Variants in GRB14 observed in about 807,000 individuals in gnomAD.
GRB14 encodes growth factor receptor bound protein 14, also known as growth factor receptor-bound protein 14.
In GRB14, 38 loss-of-function variants were observed where a neutral mutation model predicts 69.1. The observed-to-expected ratio is 0.55, with a 90% CI of 0.42 to 0.72. GRB14 has a LOEUF of 0.72. GRB14 is among the 30% of genes least tolerant of loss of function. The probability of loss-of-function intolerance (pLI) is 0.00; values close to 1 mark genes in which losing one functional copy is unlikely to be tolerated. For synonymous variants in GRB14, 247 were observed against 241.3 expected, an observed-to-expected ratio of 1.02 and a Z score of -0.22; for missense variants, 666 against 666.1, an observed-to-expected ratio of 1.00 and a Z score of 0.00.
At chr2:164,509,277 G>A (rs1687275796) in intron 6 of GRB14, among the ~76,000 whole-genome samples, 3 of 152,134 alleles carry the variant, frequency 2.0e-5, no homozygotes, top group Non-Finnish European at 1.5e-5. Flanking sequence ...GAAGATAAAT[G>A]AGAACAAGAC....
intron 2 of GRB14, among the ~76,000 whole-genome samples, chr2:164,585,028 C>T (rs1362219381): frequency 6.9e-6 from 1 of 145,598 alleles, no homozygotes; most frequent in African/African-American, 2.6e-5. Context: ...CTGCAACTTC[C>T]TCCTTTTGGG....
intron 2 of GRB14, among the ~76,000 whole-genome samples, chr2:164,583,964 T>C (rs1169311479): frequency 1.3e-5 from 2 of 151,796 alleles, no homozygotes; most frequent in African/African-American, 4.8e-5. Context: ...AAATCCTATA[T>C]TATTATGCAG....
chr2:164,574,661 T>C (rs28713428), intron 2 of GRB14, among the ~76,000 whole-genome samples: 19,506 of 152,124 alleles, frequency 0.13, 1,293 homozygotes, highest in Middle Eastern at 0.19. Flanking sequence ...TATTGATCGT[T>C]AGGCATGGTG....
intron 2 of GRB14, among the ~76,000 whole-genome samples, chr2:164,580,190 G>C (rs963982623): frequency 6.6e-6 from 1 of 151,464 alleles, no homozygotes; most frequent in Non-Finnish European, 1.5e-5. Context: ...TGCCTCCCGG[G>C]TTCAAGTGAT....
intron 9 of GRB14, among the ~76,000 whole-genome samples, chr2:164,499,151 T>C (rs977280595): frequency 6.6e-6 from 1 of 152,138 alleles, no homozygotes; most frequent in South Asian, 2.1e-4. Context: ...TCCGTTTACA[T>C]GCCAAGGTAG....
chr2:164,577,617 T>G (rs772454128), intron 2 of GRB14, among the ~76,000 whole-genome samples: 2 of 152,214 alleles, frequency 1.3e-5, no homozygotes, highest in Non-Finnish European at 2.9e-5. Flanking sequence ...AAACCTCTTT[T>G]CTTTATAAAT....
At chr2:164,519,593 C>T (rs1272745115) in intron 6 of GRB14, among the ~76,000 whole-genome samples, 1 of 151,938 alleles carries the variant, frequency 6.6e-6, no homozygotes. Flanking sequence ...ATGATATGAT[C>T]GTATACCTAG....
intron 2 of GRB14, among the ~76,000 whole-genome samples, chr2:164,590,033 C>G (rs1013766529): frequency 6.6e-5 from 10 of 152,080 alleles, no homozygotes; most frequent in African/African-American, 2.4e-4. Context: ...AGGGCTCCAC[C>G]TTCCTTACCT....
intron 2 of GRB14, among the ~76,000 whole-genome samples, chr2:164,551,331 A>G (rs1688532898): frequency 6.6e-6 from 1 of 152,086 alleles, no homozygotes; most frequent in Non-Finnish European, 1.5e-5. Context: ...GCCTGGGAAA[A>G]TGTAGGCTGG....
chr2:164,559,397 G>A (rs1184332663), intron 2 of GRB14, among the ~76,000 whole-genome samples: 1 of 152,050 alleles, frequency 6.6e-6, no homozygotes, highest in Non-Finnish European at 1.5e-5. Flanking sequence ...CCCGTCACCT[G>A]AGCAGCATAT....
chr2:164,502,491 C>T (rs1687082130), intron 8 of GRB14, among the ~76,000 whole-genome samples, 156 bp from the exon 9 acceptor site: 1 of 151,902 alleles, frequency 6.6e-6, no homozygotes, highest in African/African-American at 2.4e-5. Flanking sequence ...CTTTTAGTGC[C>T]CTGCAACAAT....
chr2:164,510,629 C>G (rs1013485891), intron 6 of GRB14, among the ~76,000 whole-genome samples: 1 of 152,042 alleles, frequency 6.6e-6, no homozygotes, highest in Non-Finnish European at 1.5e-5. Context: ...CTATCCTCCC[C>G]CAAGCAGGAA....
chr2:164,582,612 G>C (rs1045449313), intron 2 of GRB14, among the ~76,000 whole-genome samples: 31 of 151,870 alleles, frequency 2.0e-4, no homozygotes, highest in African/African-American at 6.8e-4. Context: ...GTAGAGACGG[G>C]GTTTCGCCAT....
At chr2:164,499,702 C>T (rs1687000409) in intron 9 of GRB14, among the ~76,000 whole-genome samples, 1 of 152,076 alleles carries the variant, frequency 6.6e-6, no homozygotes, top group Non-Finnish European at 1.5e-5. Flanking sequence ...CCAGCCCATA[C>T]TTTGAGATCA....
intron 10 of GRB14, 31 bp from the exon 11 acceptor site, chr2:164,497,314 G>T: frequency 6.2e-7 from 1 of 1,609,284 alleles, no homozygotes; most frequent in Non-Finnish European, 8.5e-7. Context: ...CAAATCTCAA[G>T]TTTTTAGGTG....
intron 2 of GRB14, among the ~76,000 whole-genome samples, chr2:164,610,022 A>T (rs1315822935): frequency 6.6e-6 from 1 of 152,210 alleles, no homozygotes; most frequent in African/African-American, 2.4e-5. Context: ...CTGGATGTTT[A>T]CACGCCCCAG....
At chr2:164,501,844 C>T (rs1339138795) in intron 9 of GRB14, among the ~76,000 whole-genome samples, 2 of 151,760 alleles carry the variant, frequency 1.3e-5, no homozygotes, top group African/African-American at 2.4e-5. Flanking sequence ...ATCCCAGAAT[C>T]GGTATTAAAA....
intron 2 of GRB14, among the ~76,000 whole-genome samples, chr2:164,618,128 A>G: frequency 6.6e-6 from 1 of 151,982 alleles, no homozygotes; most frequent in Non-Finnish European, 1.5e-5. Flanking sequence ...CACCACACCC[A>G]GCTAATTTTT....
intron 6 of GRB14, among the ~76,000 whole-genome samples, chr2:164,509,807 A>AC (rs1187521713): frequency 2.0e-5 from 3 of 151,312 alleles, no homozygotes; most frequent in African/African-American, 7.3e-5. Context: ...AAAAAAAAAA[A>AC]AAAAAACACC....
Sources: gnomAD v4.1 joint callset for allele counts (sites outside exome capture counted in the v4.1 genomes callset) on GRCh38, gnomAD v4.1.1 for gene constraint, MANE v1.5 for transcripts, NCBI Gene and HGNC (gene_info 2026-07-23, HGNC 2026-07-21) for gene names.